The following VCL variants were observed in gnomAD, a reference collection of about 807,000 sequenced individuals.
The protein encoded by VCL is epididymis luminal protein 114.
Under a neutral mutation model 125.7 loss-of-function variants are expected in VCL, and 47 were observed. That is an observed-to-expected ratio of 0.37 (90% CI 0.30 to 0.48). The LOEUF (loss-of-function observed/expected upper bound fraction) is 0.48, where lower values mean the gene tolerates loss of function less well. Ranked by LOEUF, VCL falls within the 20% of genes least tolerant of loss-of-function variation. VCL has a pLI of 0.99. For missense variants in VCL, 1,069 were observed against 1,455.5 expected, an observed-to-expected ratio of 0.73 and a Z score of 4.32; for synonymous variants, 458 against 514.6, an observed-to-expected ratio of 0.89 and a Z score of 1.49.
chr10:74,099,267 C>G (rs60384973), intron 13 of VCL, among the ~76,000 whole-genome samples: 9,490 of 152,236 alleles, frequency 0.062, 935 homozygotes, highest in African/African-American at 0.21. Flanking sequence ...AAACCCCTCC[C>G]TCTCATTTCT....
At chr10:74,112,263 T>C in intron 19 of VCL, 151 bp downstream of exon 19, 3 of 1,006,404 alleles carry the variant, frequency 3.0e-6, no homozygotes, top group Non-Finnish European at 4.5e-6. Flanking sequence ...TAGGACTGGC[T>C]TCACAAGTTT....
At position 74,118,055 on chromosome 10, in the gene VCL, C is replaced by T; in HGVS notation, c.3291C>T (p.Asn1097=). The change falls in exon 22 of 22, where the codon AAC becomes AAT. Residue 1097 remains asparagine, a synonymous_variant. Transcript: ENST00000211998. The part of the protein sequence containing the change: ...ATEMLVHNAQ[N]LMQSVKETVR... ...AGATGCTGGTTCACAATGCCCAGAA[C>T]CTCATGCAGTCTGTGAAGGAGACTG... 1 of 1,614,160 alleles carries T rather than the reference C, an allele frequency of 6.2e-7. No individual in the cohort carries two copies. The highest frequency in any genetic ancestry group is 1.1e-5 in the South Asian group (1 of 91,080).
In VCL at chr10:74,103,710, T is replaced by A. The variant is rs187384939; in HGVS notation, c.2023-110T>A. 29 of 1,024,026 alleles carry A rather than the reference T, an allele frequency of 2.8e-5. No homozygotes were observed. In the African/African-American group the frequency reaches 3.8e-4, roughly 13 times the overall value. The allele number at this position is 1,024,026 out of a possible 1,614,324, so 63.4% of individuals were successfully genotyped here. A position where few individuals can be genotyped will look rare whatever the true frequency, so the allele number is the denominator to read the frequency against. On this transcript the variant is annotated intron_variant, in intron 14 of 21. Transcript: ENST00000211998. ...TTCAGCCTGAAAAGAGACTTGCCAC[T>A]TTCTGGCTTTACAGTGCCATCTGTA...
At position 74,043,116 on chromosome 10, in the gene VCL, C is replaced by A; in HGVS notation, c.202C>A (p.Gln68Lys). Residue 68 changes from glutamine to lysine, a missense_variant, in exon 2 of 22, where the codon CAG (glutamine) becomes AAG (lysine). Physicochemically the swap from Gln to Lys is moderately conservative, Grantham distance 53. This residue lies in a region of VCL where 96 missense variants were observed against 137.6 expected (regional missense o/e 0.70). Coordinates refer to ENST00000211998, the MANE Select transcript of VCL (RefSeq NM_014000.3). ...AGAGACTGTTCAAACCACTGAGGATCAGATTTTGAAGAGAGATATGCCACC... is the reference window on the plus strand; with the variant it reads ...AGAGACTGTTCAAACCACTGAGGATAAGATTTTGAAGAGAGATATGCCACC... Reference protein sequence around the residue: ...GKETVQTTEDQILKRDMPPAF... With the variant: ...GKETVQTTEDKILKRDMPPAF... The A allele has an allele frequency of 6.2e-7, 1 of 1,613,368 alleles. No homozygotes were observed. The highest frequency in any genetic ancestry group is 1.1e-5 in the South Asian group (1 of 91,058).
chr10:74,085,638 T>C (rs369208981), intron 8 of VCL, among the ~76,000 whole-genome samples: 5 of 152,316 alleles, frequency 3.3e-5, no homozygotes, highest in African/African-American at 9.6e-5. Context: ...TCCATAGTGA[T>C]AATGAAGTTC....
chr10:74,115,206 G>A (rs925628375), intron 21 of VCL, among the ~76,000 whole-genome samples: 10 of 151,944 alleles, frequency 6.6e-5, no homozygotes, highest in South Asian at 2.1e-4. Flanking sequence ...TGCAGCCTGG[G>A]TGACAGAGTG....
At chr10:74,040,247 G>C (rs1334681609) in intron 1 of VCL, among the ~76,000 whole-genome samples, 1 of 152,114 alleles carries the variant, frequency 6.6e-6, no homozygotes, top group Non-Finnish European at 1.5e-5. Flanking sequence ...TGTAAGTTCC[G>C]TGAAGGCAGG....
chr10:74,035,581 A>T (rs1408373460), intron 1 of VCL, among the ~76,000 whole-genome samples: 1 of 152,216 alleles, frequency 6.6e-6, no homozygotes, highest in Non-Finnish European at 1.5e-5. Flanking sequence ...TAGTGGACAC[A>T]TAGTTGGCAC....
intron 1 of VCL, among the ~76,000 whole-genome samples, chr10:74,033,017 A>C (rs1219092396): frequency 6.6e-6 from 1 of 152,166 alleles, no homozygotes; most frequent in Non-Finnish European, 1.5e-5. Flanking sequence ...TGACCCAGCA[A>C]TTGAATACCT....
In VCL at chr10:74,094,225, T is replaced by C. The variant is rs371270684; in HGVS notation, c.1353-46T>C. ...CATTAGCAGCTAAGTGATCTCAATG[T>C]AAATAGTGTTTATGTGTGACAGGAT... On this transcript the variant is annotated intron_variant, in intron 10 of 21. Transcript: ENST00000211998. 6.8e-6 allele frequency: 11 copies of C among 1,611,092 alleles called. No individual in the cohort carries two copies. The African/African-American group carries it at 1.3e-4, about 20-fold the overall frequency.
chr10:74,094,579 T>A, intron 11 of VCL, 118 bp downstream of exon 11: 2 of 1,235,048 alleles, frequency 1.6e-6, no homozygotes, highest in Non-Finnish European at 2.3e-6. Context: ...TGCTGATAAG[T>A]AACTGTGATT....
At chr10:74,055,408 G>A (rs1298076896) in intron 2 of VCL, among the ~76,000 whole-genome samples, 1 of 151,912 alleles carries the variant, frequency 6.6e-6, no homozygotes, top group Non-Finnish European at 1.5e-5. Context: ...GTAGTTGTGT[G>A]ATCACAACTC....
chr10:74,082,865 A>C (rs1314700554), intron 7 of VCL, among the ~76,000 whole-genome samples: 1 of 152,214 alleles, frequency 6.6e-6, no homozygotes, highest in Non-Finnish European at 1.5e-5. Flanking sequence ...TCCAGTTCCC[A>C]TTGAGCAGAC....
At chr10:74,047,160 G>A (rs1188579095) in intron 2 of VCL, among the ~76,000 whole-genome samples, 2 of 152,146 alleles carry the variant, frequency 1.3e-5, no homozygotes, top group Non-Finnish European at 2.9e-5. Context: ...CGCTGGGCAT[G>A]GTGGCTCACG....
chr10:74,112,542 G>T (rs1473679711), intron 19 of VCL, among the ~76,000 whole-genome samples: 1 of 152,154 alleles, frequency 6.6e-6, no homozygotes, highest in African/African-American at 2.4e-5. Context: ...TTGATGAGGG[G>T]GAGAGGCAGC....
At chr10:74,105,777 A>G (rs1402677530) in intron 16 of VCL, among the ~76,000 whole-genome samples, 1 of 150,078 alleles carries the variant, frequency 6.7e-6, no homozygotes, top group Non-Finnish European at 1.5e-5. Context: ...CTGGTCTTGA[A>G]TTCCTGACCT....
chr10:74,062,024 A>C (rs1488232390), intron 2 of VCL, among the ~76,000 whole-genome samples: 1 of 151,604 alleles, frequency 6.6e-6, no homozygotes, highest in East Asian at 1.9e-4. Flanking sequence ...CAGCCTCAAG[A>C]GTAGCTGGGG....
chr10:74,095,577 C>T (rs528579634), intron 11 of VCL, 79 bp from the exon 12 acceptor site: 24 of 1,582,066 alleles, frequency 1.5e-5, no homozygotes, highest in Middle Eastern at 4.6e-4. Context: ...TAGAGCAAGA[C>T]GCCACATCGC....
intron 1 of VCL, among the ~76,000 whole-genome samples, chr10:74,015,461 G>A (rs1840520008): frequency 6.6e-6 from 1 of 152,138 alleles, no homozygotes; most frequent in African/African-American, 2.4e-5. Flanking sequence ...GACTGAGGCA[G>A]GAGAATCGCT....
Sources: gnomAD v4.1 joint callset for allele counts (sites outside exome capture counted in the v4.1 genomes callset) on GRCh38, gnomAD v4.1.1 for gene constraint, gnomAD v4.1.1 regional missense constraint, MANE v1.5 for transcripts, NCBI Gene and HGNC (gene_info 2026-07-23, HGNC 2026-07-21) for gene names.